PID1: variants seen among roughly 807,000 people sequenced by gnomAD.
PID1 encodes the protein PTB-containing, cubilin and LRP1-interacting protein.
A neutral mutation model predicts 19.1 loss-of-function variants in PID1; 10 were observed. The observed-to-expected ratio is 0.52, with a 90% confidence interval of 0.32 to 0.89. The LOEUF (loss-of-function observed/expected upper bound fraction) is 0.89, where lower values mean the gene tolerates loss of function less well. PID1 is among the 40% of genes least tolerant of loss of function. PID1 has a pLI of 0.03. For synonymous variants in PID1, 130 were observed against 116.0 expected (o/e 1.12, Z -0.78); for missense variants, 248 against 285.3 (o/e 0.87, Z 0.94).
chr2:229,117,664 T>C (rs1214570161), intron 2 of PID1, among the ~76,000 whole-genome samples: 1 of 152,120 alleles, frequency 6.6e-6, no homozygotes, highest in Non-Finnish European at 1.5e-5. Flanking sequence ...CCTCTTCCTA[T>C]CCCCTTTATG....
At chr2:229,248,366 C>A (rs115369025) in intron 1 of PID1, among the ~76,000 whole-genome samples, 1 of 152,066 alleles carries the variant, frequency 6.6e-6, no homozygotes, top group Non-Finnish European at 1.5e-5. Flanking sequence ...CTTCTCAGTG[C>A]GTTGTATCAG....
intron 2 of PID1, among the ~76,000 whole-genome samples, chr2:229,125,988 G>T (rs572977520): frequency 6.6e-6 from 1 of 152,224 alleles, no homozygotes; most frequent in South Asian, 2.1e-4. Flanking sequence ...GAGCAATAGA[G>T]GATAATCCAC....
At chr2:229,201,948 C>T (rs1384348108) in intron 1 of PID1, among the ~76,000 whole-genome samples, 2 of 152,070 alleles carry the variant, frequency 1.3e-5, no homozygotes, top group East Asian at 3.9e-4. Flanking sequence ...CATGTCTCAA[C>T]CAGCCAAAGC....
chr2:229,256,374 G>A (rs1206229595), intron 1 of PID1, among the ~76,000 whole-genome samples: 1 of 152,172 alleles, frequency 6.6e-6, no homozygotes, highest in African/African-American at 2.4e-5. Context: ...AGGAGCCGAA[G>A]GAAATATTTC....
At chr2:229,145,022 C>T (rs1259754968) in intron 2 of PID1, among the ~76,000 whole-genome samples, 1 of 151,592 alleles carries the variant, frequency 6.6e-6, no homozygotes, top group Non-Finnish European at 1.5e-5. Context: ...ATAAATTACA[C>T]TACTCTTGGA....
intron 1 of PID1, among the ~76,000 whole-genome samples, chr2:229,210,525 CAAAAAAAAAAAAAAA>C (rs1170895327): frequency 6.4e-5 from 1 of 15,534 alleles, no homozygotes; most frequent in African/African-American, 2.8e-4. Context: ...AGTTTTGTCT[CAAAAAAAAAAAAAAA>C]AAAAAAAAAA....
intron 2 of PID1, among the ~76,000 whole-genome samples, chr2:229,119,844 T>C (rs1441679193): frequency 1.3e-5 from 2 of 152,160 alleles, no homozygotes; most frequent in East Asian, 1.9e-4. Flanking sequence ...CGTAATCTGT[T>C]GAGGGCCTAA....
chr2:229,063,326 A>G (rs1469654439), intron 2 of PID1, among the ~76,000 whole-genome samples: 2 of 151,838 alleles, frequency 1.3e-5, no homozygotes, highest in African/African-American at 4.8e-5. Flanking sequence ...TGTGCTTCCA[A>G]TTTCATTTGT....
chr2:229,057,132 C>A (rs541369203), intron 2 of PID1, among the ~76,000 whole-genome samples: 1 of 151,948 alleles, frequency 6.6e-6, no homozygotes, highest in African/African-American at 2.4e-5. Context: ...CCTAGAAGAA[C>A]GTAAAAGTTA....
intron 2 of PID1, among the ~76,000 whole-genome samples, chr2:229,098,102 T>C (rs1695005876): frequency 6.6e-6 from 1 of 152,142 alleles, no homozygotes; most frequent in Non-Finnish European, 1.5e-5. Context: ...ATTCAAAGAG[T>C]GCTCCTGCTG....
intron 1 of PID1, among the ~76,000 whole-genome samples, chr2:229,167,244 A>C (rs1328640429): frequency 6.6e-6 from 1 of 152,162 alleles, no homozygotes; most frequent in East Asian, 1.9e-4. Context: ...ATGAGAATGA[A>C]GATATTTATA....
intron 1 of PID1, among the ~76,000 whole-genome samples, chr2:229,165,038 G>A (rs763312366): frequency 1.3e-5 from 2 of 152,128 alleles, no homozygotes; most frequent in South Asian, 2.1e-4. Flanking sequence ...TTGCCTGCTC[G>A]CATCAGCCAG....
chr2:229,113,057 G>A (rs1010269235), intron 2 of PID1, among the ~76,000 whole-genome samples: 5 of 152,090 alleles, frequency 3.3e-5, no homozygotes, highest in South Asian at 2.1e-4. Context: ...AGTAAAGTAG[G>A]AACGTCTCCT....
intron 2 of PID1, among the ~76,000 whole-genome samples, chr2:229,109,185 T>C (rs1231260323): frequency 6.6e-6 from 1 of 152,186 alleles, no homozygotes; most frequent in African/African-American, 2.4e-5. Context: ...AAGATCACCT[T>C]GGTAATTTGG....
At chr2:229,118,158 T>C (rs1377531075) in intron 2 of PID1, among the ~76,000 whole-genome samples, 1 of 152,116 alleles carries the variant, frequency 6.6e-6, no homozygotes, top group Non-Finnish European at 1.5e-5. Flanking sequence ...AAGAAAGTGA[T>C]TTGTTCATTA....
At chr2:229,200,887 T>C (rs977294790) in intron 1 of PID1, among the ~76,000 whole-genome samples, 1 of 152,060 alleles carries the variant, frequency 6.6e-6, no homozygotes, top group African/African-American at 2.4e-5. Flanking sequence ...TGTGAAGGCA[T>C]GTGGGTGCCC....
At chr2:229,264,437 T>C (rs1407123365) in intron 1 of PID1, among the ~76,000 whole-genome samples, 1 of 152,084 alleles carries the variant, frequency 6.6e-6, no homozygotes, top group Non-Finnish European at 1.5e-5. Context: ...CAGGCCTCTC[T>C]AAAACAGGGA....
intron 2 of PID1, among the ~76,000 whole-genome samples, chr2:229,035,788 G>A (rs974929600): frequency 3.9e-5 from 6 of 152,020 alleles, no homozygotes; most frequent in African/African-American, 1.2e-4. Context: ...TCCATACTGA[G>A]ACCAAGGCCT....
chr2:229,261,654 C>T (rs1464209233), intron 1 of PID1, among the ~76,000 whole-genome samples: 1 of 152,234 alleles, frequency 6.6e-6, no homozygotes, highest in African/African-American at 2.4e-5. Flanking sequence ...GGTAACTGTC[C>T]ATTCCCCTCC....
Sources: allele counts gnomAD v4.1 joint callset (sites outside exome capture counted in the v4.1 genomes callset), GRCh38; gene constraint gnomAD v4.1.1; transcripts MANE v1.5; gene names NCBI Gene and HGNC (gene_info 2026-07-23, HGNC 2026-07-21).